FMR1: variants seen among roughly 807,000 people sequenced by gnomAD.
FMR1 encodes FMRP translational regulator 1.
Under a neutral mutation model 50.6 loss-of-function variants are expected in FMR1, and 13 were observed. The observed-to-expected ratio is 0.26, with a 90% CI of 0.17 to 0.41. FMR1 has a LOEUF of 0.41. Ranked by LOEUF, FMR1 falls within the 10% of genes least tolerant of loss-of-function variation. The pLI, the probability that FMR1 is intolerant of heterozygous loss-of-function variation, is 1.00. For synonymous variants in FMR1, 138 were observed against 164.1 expected (o/e 0.84, Z 1.22); for missense variants, 316 against 491.3 (o/e 0.64, Z 3.37).
intron 9 of FMR1, among the ~76,000 whole-genome samples, chrX:147,935,045 C>T (rs1452313982): frequency 8.9e-6 from 1 of 111,793 alleles, no homozygotes; most frequent in African/African-American, 3.2e-5. Context: ...TTAATAAAAA[C>T]ATCCCCAAAT....
chrX:147,917,363 A>G (rs1329556181), intron 1 of FMR1, among the ~76,000 whole-genome samples: 1 of 112,247 alleles, frequency 8.9e-6, no homozygotes, highest in African/African-American at 3.2e-5. Context: ...ACATACTTTC[A>G]TAAATATGAT....
intron 11 of FMR1, among the ~76,000 whole-genome samples, 163 bp downstream of exon 11, chrX:147,937,763 T>A (rs1557179948): frequency 1.8e-5 from 2 of 112,221 alleles, no homozygotes; most frequent in East Asian, 5.6e-4. Flanking sequence ...ATTAGTGTGA[T>A]ACATACTTTT....
rs200163413 is a variant in FMR1, at chrX:147,928,801, G to A, written c.413G>A (p.Arg138Gln). 2.4e-4 allele frequency: 288 copies of A among 1,206,917 alleles called. No individual in the cohort carries two copies. Among genetic ancestry groups the A allele is most frequent in the Admixed American group, 3.3e-4 (15 of 45,716 alleles). ...KIKLDVPEDL[R>Q]QMCAKEAAHK... ...AAGCTGGATGTGCCAGAAGACTTAC[G>A]GCAAATGTAAGTTGATACACAAGAA... The change falls in exon 5 of 17, where the codon CGG (arginine) becomes CAG (glutamine). Residue 138 changes from arginine (R) to glutamine (Q), a missense_variant. By Grantham distance (43) the Arg-to-Gln change is conservative (BLOSUM62 1). Transcript: ENST00000370475.
intron 1 of FMR1, 81 bp downstream of exon 1, chrX:147,912,311 G>A (rs2042619070): frequency 2.1e-6 from 2 of 973,516 alleles, no homozygotes; most frequent in Admixed American, 2.7e-5. Context: ...GGCAGGCCCG[G>A]GGCCCTCTTC....
At chrX:147,933,136 A>G (rs782676064) in intron 9 of FMR1, among the ~76,000 whole-genome samples, 149 of 101,949 alleles carry the variant, frequency 1.5e-3, no homozygotes, top group Middle Eastern at 0.01. Flanking sequence ...TTCTTACAGC[A>G]TACAAAAAAA....
At chrX:147,925,702 T>TA (rs2124492026) in intron 3 of FMR1, 69 bp downstream of exon 3, 2 of 704,834 alleles carry the variant, frequency 2.8e-6, no homozygotes, top group East Asian at 3.3e-5. Flanking sequence ...TGTTTTTTTT[T>TA]AATACTTTGT....
In FMR1 at chrX:147,935,088, T is replaced by C. The variant is rs1349135511; in HGVS notation, c.881-1416T>C. ...TTCATTTTGTTAACTCACTTAGATCTTTATTAAAGTCAACATTAATTCATG... is the reference window on the plus strand; with the variant it reads ...TTCATTTTGTTAACTCACTTAGATCCTTATTAAAGTCAACATTAATTCATG... On this transcript the variant is annotated intron_variant, in intron 9 of 16. Coordinates refer to ENST00000370475, the MANE Select transcript of FMR1 (RefSeq NM_002024.6). Among the ~76,000 whole-genome samples the C allele has an allele frequency of 2.7e-5, 3 of 112,160 alleles. No individual in the cohort carries two copies. In the East Asian group the frequency reaches 8.4e-4, roughly 31 times the overall value.
rs2044279417 is a variant in FMR1 at position 147,949,852 on chromosome X, T to G, written c.*1008T>G. 1 of 325,188 alleles carries G rather than the reference T, an allele frequency of 3.1e-6. No individual in the cohort carries two copies. Among genetic ancestry groups the G allele is most frequent in the African/African-American group, 2.7e-5 (1 of 36,990 alleles). The allele number at this position is 325,188 out of a possible 1,213,427, so 26.8% of individuals were successfully genotyped here. Reference sequence around the variant, plus strand: ...TTTCATATTTTAATTTCAAGCTTATTTTGGAGAGATAGGAAGGTCATTTCC... The same window carrying G: ...TTTCATATTTTAATTTCAAGCTTATGTTGGAGAGATAGGAAGGTCATTTCC... On this transcript the variant is annotated 3_prime_UTR_variant, in exon 17 of 17. Coordinates refer to ENST00000370475, the MANE Select transcript of FMR1 (RefSeq NM_002024.6).
chrX:147,924,751 C>G (rs2043327864), intron 2 of FMR1, among the ~76,000 whole-genome samples: 1 of 107,798 alleles, frequency 9.3e-6, no homozygotes, highest in Non-Finnish European at 1.9e-5. Flanking sequence ...AAGTCCTGGC[C>G]TGAAGCAGTG....
chrX:147,921,274 T>TA (rs1557176377), intron 1 of FMR1, among the ~76,000 whole-genome samples: 17 of 64 alleles, frequency 0.27, no homozygotes, highest in African/African-American at 0.55. Flanking sequence ...TTAGCTATTT[T>TA]GTCTGTCTTT....
intron 1 of FMR1, chrX:147,912,832 G>A (rs1426317900): frequency 6.8e-6 from 2 of 295,571 alleles, no homozygotes; most frequent in Non-Finnish European, 1.2e-5. Flanking sequence ...GATTTTTAGT[G>A]GCTTCTCTTT....
intron 2 of FMR1, among the ~76,000 whole-genome samples, chrX:147,923,620 T>C (rs1182303877): frequency 4.5e-5 from 5 of 112,227 alleles, no homozygotes; most frequent in Middle Eastern, 4.6e-3. Context: ...TAATTTTCAA[T>C]CAGATTTCTA....
chrX:147,918,554 G>GTTTTTT (rs2042989205), intron 1 of FMR1, among the ~76,000 whole-genome samples: 8 of 18,738 alleles, frequency 4.3e-4, no homozygotes, highest in Admixed American at 3.1e-3. Context: ...GCCTGCAAAA[G>GTTTTTT]CTTTTTTTTT....
Position 147,930,208 on chromosome X carries a change from G to C in FMR1, c.594G>C (p.Leu198=). The change falls in exon 7 of 17, where the codon CTG becomes CTC. Residue 198 remains leucine, a synonymous_variant. Coordinates refer to ENST00000370475, the MANE Select transcript of FMR1 (RefSeq NM_002024.6). ...GGAGTCTGCGCACTAAGTTGTCTCT[G>C]ATAATGAGAAATGAAGAAGCTAGTA... The part of the protein sequence containing the change: ...HFRSLRTKLS[L]IMRNEEASKQ... 4.2e-6 allele frequency: 5 copies of C among 1,204,405 alleles called. No homozygotes were observed. The highest frequency in any genetic ancestry group is 4.5e-6 in the Non-Finnish European group (4 of 888,942).
Position 147,928,773 on chromosome X carries a change from A to G in FMR1, c.385A>G (p.Ile129Val), listed in dbSNP as rs782016069. The G allele has an allele frequency of 4.1e-6, 5 of 1,211,226 alleles. 1 individual carries two copies. The Admixed American group carries it at 1.1e-4, about 26-fold the overall frequency. Residue 129 changes from isoleucine to valine, a missense_variant, in exon 5 of 17, where the codon ATC becomes GTC. Transcript: ENST00000370475. ...TGCCACAAAAGATACTTTCCATAAG[A>G]TCAAGCTGGATGTGCCAGAAGACTT... ...KPATKDTFHK[I>V]KLDVPEDLRQ... is the part of the protein sequence containing the mutation.
At chrX:147,946,329 A>T (rs1390151267) in intron 16 of FMR1, among the ~76,000 whole-genome samples, 1 of 112,250 alleles carries the variant, frequency 8.9e-6, no homozygotes, top group African/African-American at 3.2e-5. Context: ...AATAAGGAAA[A>T]GAAGGTGTCT....
rs1557183118 is a variant in FMR1, at chrX:147,949,831, A to G, written c.*987A>G. ...TGCCCCAAGTTTTGTGAAATTTTTCATATTTTAATTTCAAGCTTATTTTGG... is the reference window on the plus strand; with the variant it reads ...TGCCCCAAGTTTTGTGAAATTTTTCGTATTTTAATTTCAAGCTTATTTTGG... On this transcript the variant is annotated 3_prime_UTR_variant, in exon 17 of 17. Transcript: ENST00000370475. 6.1e-6 allele frequency: 2 copies of G among 327,071 alleles called. No homozygotes were observed. Among genetic ancestry groups the G allele is most frequent in the Non-Finnish European group, 1.2e-5 (2 of 169,335 alleles). 27.0% of individuals were successfully genotyped at this position (327,071 alleles called of 1,213,427 possible).
chrX:147,924,960 T>A (rs910872308), intron 2 of FMR1: 3 of 113,830 alleles, frequency 2.6e-5, no homozygotes, highest in Admixed American at 9.1e-5. Context: ...GACCCCACCA[T>A]CCCAGTGCAT....
intron 9 of FMR1, among the ~76,000 whole-genome samples, chrX:147,935,292 G>T (rs1239532090): frequency 8.9e-6 from 1 of 111,765 alleles, no homozygotes; most frequent in Non-Finnish European, 1.9e-5. Context: ...AGTTTCTAGG[G>T]GTGAATGAGG....
Sources: gnomAD v4.1 joint callset for allele counts (sites outside exome capture counted in the v4.1 genomes callset) on GRCh38, gnomAD v4.1.1 for gene constraint, MANE v1.5 for transcripts, NCBI Gene and HGNC (gene_info 2026-07-23, HGNC 2026-07-21) for gene names.